ROPN1L: variants seen among roughly 807,000 people sequenced by gnomAD.
ROPN1L encodes rhophilin associated tail protein 1 like.
In ROPN1L, 23 loss-of-function variants were observed where a neutral mutation model predicts 22.7. That is an observed-to-expected ratio of 1.01 (90% CI 0.73 to 1.43). The LOEUF (loss-of-function observed/expected upper bound fraction) is 1.43, where lower values mean the gene tolerates loss of function less well. ROPN1L is among the 40% of genes most tolerant of loss of function. ROPN1L has a pLI of 0.00. For synonymous variants in ROPN1L, 116 were observed against 117.8 expected, an observed-to-expected ratio of 0.98 and a Z score of 0.10; for missense variants, 271 against 291.5, an observed-to-expected ratio of 0.93 and a Z score of 0.51.
Position 10,442,213 on chromosome 5 carries a change from C to A in ROPN1L, c.46C>A (p.Pro16Thr). ...TMFCAQQIHI[P>T]PELPDILKQF... ...GTTCTGCGCTCAGCAGATCCACATT[C>A]CCCCGGAGCTGCCGGACATCCTGAA... Residue 16 changes from proline to threonine, a missense_variant, in exon 1 of 5, where the codon CCC becomes ACC. Pro to Thr is a conservative substitution (Grantham distance 38, BLOSUM62 -1). Transcript: ENST00000274134. 2 of 1,613,784 alleles carry A rather than the reference C, an allele frequency of 1.2e-6. No homozygotes were observed. The highest frequency in any genetic ancestry group is 8.5e-7 in the Non-Finnish European group (1 of 1,179,850).
At chr5:10,467,175 G>A (rs115763524), downstream of ROPN1L, among the ~76,000 whole-genome samples, 1,356 of 151,986 alleles carry the variant, frequency 8.9e-3, 11 homozygotes, top group Non-Finnish European at 0.011. Flanking sequence ...CCCTCAGAAT[G>A]GTTTTAGCCT....
At chr5:10,456,608 G>A (rs1231205539) in intron 3 of ROPN1L, among the ~76,000 whole-genome samples, 1 of 152,238 alleles carries the variant, frequency 6.6e-6, no homozygotes, top group African/African-American at 2.4e-5. Context: ...ATGCCAAGGA[G>A]AGGGTCTTTT....
intron 1 of ROPN1L, among the ~76,000 whole-genome samples, chr5:10,446,821 C>T (rs991471731): frequency 2.6e-5 from 4 of 152,072 alleles, no homozygotes; most frequent in Admixed American, 6.6e-5. Flanking sequence ...AGGAGTTACC[C>T]CCATGAAATA....
intron 4 of ROPN1L, among the ~76,000 whole-genome samples, chr5:10,461,948 T>C (rs1184212512): frequency 6.6e-5 from 10 of 152,188 alleles, no homozygotes; most frequent in Non-Finnish European, 1.2e-4. Flanking sequence ...AATGAGCTCT[T>C]GTTCACCTTC....
At chr5:10,461,733 CCA>C (rs1735034580) in intron 4 of ROPN1L, among the ~76,000 whole-genome samples, 1 of 152,196 alleles carries the variant, frequency 6.6e-6, no homozygotes, top group Non-Finnish European at 1.5e-5. Context: ...ATCAGGGTTC[CCA>C]CAACCCCTCC....
rs766987578 is a variant in ROPN1L at position 10,464,851 on chromosome 5, C to T, written c.597C>T (p.Asp199=). The T allele has an allele frequency of 4.0e-5, 63 of 1,584,306 alleles. No homozygotes were observed. Among genetic ancestry groups the T allele is most frequent in the East Asian group, 2.9e-4 (13 of 44,496 alleles). The stretch of plus-strand genomic sequence containing the variant: ...TCTTTATCTGTTTCCAATTTAGAGA[C>T]GCCAGGAAGAACGGCATGATAGGTC... ...SYLASLKENI[D]ARKNGMIGLS... is the part of the protein sequence containing the mutation. Residue 199 remains aspartate (D), a synonymous_variant, in exon 5 of 5, where the codon GAC becomes GAT. Transcript: ENST00000274134.
rs1232043579 is a variant in ROPN1L, at chr5:10,458,596, CAT to C, written c.418-2587_418-2586del. 3.6e-4 allele frequency among the ~76,000 whole-genome samples: 27 copies of C among 76,044 alleles called. 1 individual carries two copies. Among genetic ancestry groups the C allele is most frequent in the African/African-American group, 1.4e-3 (24 of 17,434 alleles). 49.9% of individuals were successfully genotyped at this position (76,044 alleles called of 152,430 possible). A position where few individuals can be genotyped will look rare whatever the true frequency, so the allele number is the denominator to read the frequency against. The stretch of plus-strand genomic sequence containing the variant: ...TCCCCCCTATGTACACCATCCCCCT[CAT>C]GTACACCGTCCCCACCATGTACATC... On this transcript the variant is annotated intron_variant, in intron 3 of 4. Coordinates refer to ENST00000274134, the MANE Select transcript of ROPN1L (RefSeq NM_031916.5).
intron 2 of ROPN1L, among the ~76,000 whole-genome samples, chr5:10,449,539 A>G (rs1741187112): frequency 6.6e-6 from 1 of 152,140 alleles, no homozygotes; most frequent in Non-Finnish European, 1.5e-5. Flanking sequence ...TAAATATATA[A>G]TAGAAGAAAT....
At chr5:10,480,007 G>A in the ROPN1L span, among the ~76,000 whole-genome samples, 3 of 152,142 alleles carry the variant, frequency 2.0e-5, no homozygotes, top group Non-Finnish European at 4.4e-5. Flanking sequence ...ACCTCCCAAA[G>A]TGCTGGGATT....
the ROPN1L span, among the ~76,000 whole-genome samples, chr5:10,477,247 A>C: frequency 6.6e-6 from 1 of 152,128 alleles, no homozygotes; most frequent in Non-Finnish European, 1.5e-5. Context: ...GTTAACCTTG[A>C]CCTTTTTCAA....
intron 1 of ROPN1L, among the ~76,000 whole-genome samples, chr5:10,448,045 G>A (rs749573634): frequency 1.3e-5 from 2 of 152,202 alleles, no homozygotes; most frequent in African/African-American, 2.4e-5. Flanking sequence ...CCAACAGGGA[G>A]TCTCATTATC....
chr5:10,459,551 C>T (rs1248844847), intron 3 of ROPN1L, among the ~76,000 whole-genome samples: 1 of 152,154 alleles, frequency 6.6e-6, no homozygotes, highest in Non-Finnish European at 1.5e-5. Context: ...ATCCCGCTGA[C>T]CTCATTTCCC....
downstream of ROPN1L, chr5:10,472,165 T>G (rs1317138887): frequency 6.6e-6 from 1 of 152,260 alleles, no homozygotes; most frequent in Non-Finnish European, 1.5e-5. Context: ...ATTGTATAAC[T>G]TTTTTCTACC....
chr5:10,459,020 G>A (rs375730664), intron 3 of ROPN1L, among the ~76,000 whole-genome samples: 4 of 138,168 alleles, frequency 2.9e-5, no homozygotes, highest in African/African-American at 5.6e-5. Flanking sequence ...AGTCTCCTCC[G>A]TGAGCGCTAG....
rs114152306 is a variant in ROPN1L at position 10,448,915 on chromosome 5, G to A, written c.255+532G>A. ...CCCCACACGCCATCCTGTTTTTACA[G>A]ACGTGAGTTACTAGAAAGTGGGTCA... On this transcript the variant is annotated intron_variant, in intron 2 of 4. Coordinates refer to ENST00000274134, the MANE Select transcript of ROPN1L (RefSeq NM_031916.5). Among the ~76,000 whole-genome samples, 151 of 152,358 alleles carry A rather than the reference G, an allele frequency of 9.9e-4. 1 individual carries two copies. Among genetic ancestry groups the A allele is most frequent in the African/African-American group, 3.6e-3 (149 of 41,586 alleles).
the ROPN1L span, among the ~76,000 whole-genome samples, chr5:10,481,699 G>C: frequency 6.6e-6 from 1 of 152,220 alleles, no homozygotes; most frequent in African/African-American, 2.4e-5. Context: ...TGACGTGGGG[G>C]GCCCAGGTGG....
At chr5:10,481,397 G>A in the ROPN1L span, among the ~76,000 whole-genome samples, 13 of 152,308 alleles carry the variant, frequency 8.5e-5, no homozygotes, top group Admixed American at 8.5e-4. Flanking sequence ...CTAGTTGTCC[G>A]GTACTTGCTC....
chr5:10,448,682 G>A (rs966787904), intron 2 of ROPN1L, among the ~76,000 whole-genome samples: 2 of 152,170 alleles, frequency 1.3e-5, no homozygotes, highest in Non-Finnish European at 2.9e-5. Context: ...AGATTCTGCT[G>A]GGCAAAACAT....
At chr5:10,464,710 G>A in intron 4 of ROPN1L, 138 bp from the exon 5 acceptor site, 1 of 529,168 alleles carries the variant, frequency 1.9e-6, no homozygotes, top group Non-Finnish European at 3.4e-6. Flanking sequence ...CTTTATTTTT[G>A]GAAGTAAGAA....
Sources: gnomAD v4.1 joint callset for allele counts (sites outside exome capture counted in the v4.1 genomes callset) on GRCh38, gnomAD v4.1.1 for gene constraint, MANE v1.5 for transcripts, NCBI Gene and HGNC (gene_info 2026-07-23, HGNC 2026-07-21) for gene names.